The following MTMR9 variants were observed in gnomAD, a reference collection of about 807,000 sequenced individuals.
The protein encoded by MTMR9 is myotubularin related protein 9.
In MTMR9, 39 loss-of-function variants were observed where a neutral mutation model predicts 69.5. The ratio of observed to expected loss-of-function variants is 0.56; its 90% CI spans 0.43 to 0.73. The LOEUF (loss-of-function observed/expected upper bound fraction) is 0.73, where lower values mean the gene tolerates loss of function less well. Among genes scored for constraint, MTMR9 ranks in the 30% least tolerant of loss-of-function variants. MTMR9 has a pLI of 0.00. For missense variants in MTMR9, 900 were observed against 671.2 expected, an observed-to-expected ratio of 1.34 and a Z score of -3.77; for synonymous variants, 354 against 240.8, an observed-to-expected ratio of 1.47 and a Z score of -4.35.
intron 9 of MTMR9, 24 bp from the exon 10 acceptor site, chr8:11,322,601 G>A (rs772612318): frequency 1.2e-6 from 2 of 1,607,846 alleles, no homozygotes; most frequent in African/African-American, 2.7e-5. Context: ...TCTTGCTTCT[G>A]TTTTCCATTC....
At chr8:11,322,142 G>T (rs375367851) in intron 9 of MTMR9, among the ~76,000 whole-genome samples, 34 of 152,328 alleles carry the variant, frequency 2.2e-4, no homozygotes, top group South Asian at 1.9e-3. Flanking sequence ...GTGGGCTACA[G>T]TTCAGGCTTT....
chr8:11,319,582 T>G, intron 8 of MTMR9, 105 bp from the exon 9 acceptor site: 1 of 1,203,152 alleles, frequency 8.3e-7, no homozygotes, highest in Non-Finnish European at 1.2e-6. Flanking sequence ...AAGTCTTGTA[T>G]TCTATCTTCT....
rs1800926136 is a variant in MTMR9, at chr8:11,326,285, G to A, written c.*3497G>A. ...TTATCCGACCTTAATCTGGGATAAA[G>A]GTTTTGGTATTTGCCCACTTCTAGA... is the stretch of plus-strand genomic sequence containing the variant. On this transcript the variant is annotated 3_prime_UTR_variant, in exon 10 of 10. Transcript: ENST00000221086. 6.6e-6 allele frequency: 1 copy of A among 152,172 alleles called. No individual in the cohort carries two copies. Among genetic ancestry groups the A allele is most frequent in the South Asian group, 2.1e-4 (1 of 4,822 alleles). 9.4% of individuals were successfully genotyped at this position (152,172 alleles called of 1,614,324 possible). A position where few individuals can be genotyped will look rare whatever the true frequency, so the allele number is the denominator to read the frequency against.
At chr8:11,288,960 G>C (rs930413035) in intron 1 of MTMR9, among the ~76,000 whole-genome samples, 2 of 152,156 alleles carry the variant, frequency 1.3e-5, no homozygotes, top group African/African-American at 4.8e-5. Context: ...ATCACCTGAG[G>C]TCAGGAGTTC....
rs1338029003 is a variant in MTMR9, at chr8:11,324,826, C to T, written c.*2038C>T. ...GAGCTATGATCGCATCAGTCCACTC[C>T]AGCCTGAGCAACAGAGCGAGACCCT... On this transcript the variant is annotated 3_prime_UTR_variant, in exon 10 of 10. Transcript: ENST00000221086. The T allele has an allele frequency of 6.6e-6, 1 of 152,290 alleles. No individual in the cohort carries two copies. Among genetic ancestry groups the T allele is most frequent in the African/African-American group, 2.4e-5 (1 of 41,450 alleles). The allele number at this position is 152,290 out of a possible 1,614,324, so 9.4% of individuals were successfully genotyped here.
chr8:11,294,098 A>C (rs1371344302), intron 1 of MTMR9, among the ~76,000 whole-genome samples: 3 of 152,174 alleles, frequency 2.0e-5, no homozygotes, highest in Non-Finnish European at 4.4e-5. Context: ...TTTTGTTTGG[A>C]ATTATGTTGT....
At chr8:11,331,880 A>C (rs1271215617), downstream of MTMR9, 6 of 1,611,918 alleles carry the variant, frequency 3.7e-6, no homozygotes, top group Non-Finnish European at 5.1e-6. Context: ...GTGTGGGGGC[A>C]GAGGGGATCC....
chr8:11,286,510 C>G (rs1051214660), intron 1 of MTMR9, among the ~76,000 whole-genome samples: 1 of 151,402 alleles, frequency 6.6e-6, no homozygotes, highest in Non-Finnish European at 1.5e-5. Context: ...ACTAAAAATA[C>G]AAAAAATTAA....
chr8:11,317,341 G>A (rs748684484), intron 8 of MTMR9: 2 of 152,480 alleles, frequency 1.3e-5, no homozygotes, highest in African/African-American at 2.4e-5. Flanking sequence ...GACCAGTTTT[G>A]TGGATAACAA....
chr8:11,288,056 TATA>T (rs1799244423), intron 1 of MTMR9, among the ~76,000 whole-genome samples: 1 of 128,016 alleles, frequency 7.8e-6, no homozygotes, highest in Non-Finnish European at 1.6e-5. Context: ...ATACGTATTA[TATA>T]ATATATATTA....
chr8:11,318,902 G>C (rs1359436742), intron 8 of MTMR9: 1 of 151,866 alleles, frequency 6.6e-6, no homozygotes, highest in Non-Finnish European at 1.5e-5. Flanking sequence ...TAGTATGGGC[G>C]TAAGAAGGAT....
At chr8:11,298,930 C>T in intron 2 of MTMR9, 1 of 930,022 alleles carries the variant, frequency 1.1e-6, no homozygotes, top group Non-Finnish European at 1.3e-6. Context: ...GAGAATGGAT[C>T]CCTGCAGCAT....
chr8:11,329,439 G>A (rs1334836610), downstream of MTMR9, among the ~76,000 whole-genome samples: 2 of 152,194 alleles, frequency 1.3e-5, no homozygotes, highest in South Asian at 2.1e-4. Flanking sequence ...TCAGCCTGCC[G>A]AGTGCCTGCC....
At chr8:11,314,505 A>G (rs980698978) in intron 6 of MTMR9, among the ~76,000 whole-genome samples, 3 of 152,216 alleles carry the variant, frequency 2.0e-5, no homozygotes, top group Non-Finnish European at 2.9e-5. Flanking sequence ...TCAAAGTCAG[A>G]AAAATAATTT....
chr8:11,305,478 A>T (rs1799905436), intron 4 of MTMR9, among the ~76,000 whole-genome samples: 1 of 152,238 alleles, frequency 6.6e-6, no homozygotes, highest in African/African-American at 2.4e-5. Flanking sequence ...TGGAGTCAGG[A>T]TTAAACAAGG....
At position 11,322,866 on chromosome 8, in the gene MTMR9, T is replaced by G. The variant is rs1800759693; in HGVS notation, c.*78T>G. 1.5e-6 allele frequency: 2 copies of G among 1,361,042 alleles called. No individual in the cohort carries two copies. The highest frequency in any genetic ancestry group is 4.6e-5 in the East Asian group (2 of 43,014). 84.3% of individuals were successfully genotyped at this position (1,361,042 alleles called of 1,614,324 possible). On this transcript the variant is annotated 3_prime_UTR_variant, in exon 10 of 10. Transcript: ENST00000221086. The stretch of plus-strand genomic sequence containing the variant: ...CTCTCCTTGTGCCCTTCAGTTCACT[T>G]TTACACGGTAGCCTTGAAGTGAAGG...
rs1323540832 is a variant in MTMR9 at position 11,291,071 on chromosome 8, A to G, written c.183-4123A>G. On this transcript the variant is annotated intron_variant, in intron 1 of 9. Transcript: ENST00000221086. The stretch of plus-strand genomic sequence containing the variant: ...TTGACCTGTTTTATAACTGTAGTGT[A>G]ATCAAAATGAGGACAAAATTAGGAC... Among the ~76,000 whole-genome samples, 4 of 152,056 alleles carry G rather than the reference A, an allele frequency of 2.6e-5. 1 individual carries two copies. Among genetic ancestry groups the G allele is most frequent in the African/African-American group, 9.7e-5 (4 of 41,428 alleles).
At chr8:11,289,681 A>G (rs936627543) in intron 1 of MTMR9, among the ~76,000 whole-genome samples, 2 of 152,056 alleles carry the variant, frequency 1.3e-5, no homozygotes, top group Non-Finnish European at 1.5e-5. Context: ...AGATAGCACT[A>G]TTGTGTATGG....
At position 11,319,786 on chromosome 8, in the gene MTMR9, C is replaced by T. The variant is rs761930022; in HGVS notation, c.1434C>T (p.Asn478=). 2.5e-6 allele frequency: 4 copies of T among 1,614,210 alleles called. No homozygotes were observed. The highest frequency in any genetic ancestry group is 2.2e-5 in the East Asian group (1 of 44,884). Residue 478 remains asparagine, a synonymous_variant, in exon 9 of 10, where the codon AAC becomes AAT. Transcript: ENST00000221086. ...TCACCAATCCCCTCTTTGAAGCCAA[C>T]AACCTTGTCATCTGGCCTTCAGTTG... is the stretch of plus-strand genomic sequence containing the variant. ...SKFTNPLFEA[N]NLVIWPSVAP... is the part of the protein sequence containing the mutation.
Sources: allele counts gnomAD v4.1 joint callset (sites outside exome capture counted in the v4.1 genomes callset), GRCh38; gene constraint gnomAD v4.1.1; transcripts MANE v1.5; gene names NCBI Gene and HGNC (gene_info 2026-07-23, HGNC 2026-07-21).